SAMD3: variants seen among roughly 807,000 people sequenced by gnomAD.
The protein encoded by SAMD3 is sterile alpha motif domain-containing protein 3.
A neutral mutation model predicts 58.5 loss-of-function variants in SAMD3; 63 were observed. The ratio of observed to expected loss-of-function variants is 1.08; its 90% CI spans 0.88 to 1.33. The LOEUF (loss-of-function observed/expected upper bound fraction) is 1.33, where lower values mean the gene tolerates loss of function less well. SAMD3 is among the 40% of genes most tolerant of loss of function. SAMD3 has a pLI of 0.00. For synonymous variants in SAMD3, 220 were observed against 210.3 expected, an observed-to-expected ratio of 1.05 and a Z score of -0.40; for missense variants, 604 against 608.4, an observed-to-expected ratio of 0.99 and a Z score of 0.08.
At chr6:130,208,741 ATAT>A (rs1488000475) in intron 5 of SAMD3, among the ~76,000 whole-genome samples, 1 of 152,090 alleles carries the variant, frequency 6.6e-6, no homozygotes, top group Non-Finnish European at 1.5e-5. Flanking sequence ...ATTTTATTAT[ATAT>A]TAGAATATAA....
intron 2 of SAMD3, among the ~76,000 whole-genome samples, chr6:130,306,475 C>T (rs1044419498): frequency 1.3e-5 from 2 of 152,172 alleles, no homozygotes; most frequent in Non-Finnish European, 2.9e-5. Context: ...GTTGACTAAG[C>T]AGTTACTCTT....
intron 8 of SAMD3, chr6:130,162,022 A>C (rs1403831808): frequency 2.5e-6 from 1 of 398,676 alleles, no homozygotes; most frequent in African/African-American, 2.1e-5. Context: ...CAAGAAATAC[A>C]CTGAAGGGAA....
intron 2 of SAMD3, among the ~76,000 whole-genome samples, chr6:130,311,618 A>G (rs868798209): frequency 1.1e-4 from 16 of 152,314 alleles, no homozygotes; most frequent in Middle Eastern, 6.8e-3. Context: ...TAGTTGAACA[A>G]GTTTAAGAGG....
At chr6:130,235,686 T>C (rs1458872801) in intron 2 of SAMD3, among the ~76,000 whole-genome samples, 1 of 152,208 alleles carries the variant, frequency 6.6e-6, no homozygotes, top group African/African-American at 2.4e-5. Flanking sequence ...AAGTTAATAA[T>C]AGAGTAATTG....
At chr6:130,230,108 A>G (rs1465402991) in intron 2 of SAMD3, among the ~76,000 whole-genome samples, 3 of 152,250 alleles carry the variant, frequency 2.0e-5, no homozygotes, top group African/African-American at 7.2e-5. Flanking sequence ...TGGTTAAAGA[A>G]AATAACACAG....
Position 130,182,416 on chromosome 6 carries a change from T to C in SAMD3, c.654+1687A>G, listed in dbSNP as rs191841750. Among the ~76,000 whole-genome samples the C allele has an allele frequency of 2.6e-5, 4 of 152,284 alleles. No individual in the cohort carries two copies. In the East Asian group the frequency reaches 7.7e-4, roughly 29 times the overall value. The stretch of plus-strand genomic sequence containing the variant: ...TTTTCCAGACATGGTATACAACATC[T>C]TTCCTCAGTCTGAGTGGTGAAAAAA... On this transcript the variant is annotated intron_variant, in intron 7 of 11. Transcript: ENST00000439090.
intron 2 of SAMD3, among the ~76,000 whole-genome samples, chr6:130,309,263 A>T (rs1307595054): frequency 6.6e-6 from 1 of 152,214 alleles, no homozygotes; most frequent in African/African-American, 2.4e-5. Flanking sequence ...ATAAGAGCAT[A>T]AATGTTAGAT....
At chr6:130,263,336 T>C (rs1005767571) in intron 2 of SAMD3, among the ~76,000 whole-genome samples, 3 of 152,202 alleles carry the variant, frequency 2.0e-5, no homozygotes, top group African/African-American at 7.2e-5. Context: ...CTTTTAGCAC[T>C]TGTACCACCC....
At chr6:130,357,585 AGGGG>A (rs1695849448) in intron 1 of SAMD3, among the ~76,000 whole-genome samples, 4 of 152,202 alleles carry the variant, frequency 2.6e-5, no homozygotes, top group Admixed American at 2.6e-4. Flanking sequence ...ATTTTTGCAT[AGGGG>A]ATAATGAACA....
chr6:130,265,624 A>C (rs556179381), intron 2 of SAMD3, among the ~76,000 whole-genome samples: 49 of 152,282 alleles, frequency 3.2e-4, no homozygotes, highest in African/African-American at 1.2e-3. Context: ...GTTACTCTAT[A>C]CAAGGTATGT....
At chr6:130,330,556 A>G (rs1776899088) in intron 1 of SAMD3, among the ~76,000 whole-genome samples, 1 of 152,204 alleles carries the variant, frequency 6.6e-6, no homozygotes, top group Admixed American at 6.5e-5. Flanking sequence ...GGAGGAAATT[A>G]AATTATGTGA....
intron 8 of SAMD3, among the ~76,000 whole-genome samples, chr6:130,157,146 C>T (rs1329582361): frequency 6.6e-6 from 1 of 151,534 alleles, no homozygotes; most frequent in Non-Finnish European, 1.5e-5. Context: ...CATAATTTTA[C>T]TTGGATTATC....
At chr6:130,144,924 T>C (rs111971636) in intron 11 of SAMD3, 120 bp from the exon 12 acceptor site, 3 of 998,636 alleles carry the variant, frequency 3.0e-6, no homozygotes, top group East Asian at 2.6e-5. Context: ...TTTGTAAATA[T>C]GACAAACATA....
intron 4 of SAMD3, among the ~76,000 whole-genome samples, chr6:130,211,742 A>G (rs1166523700): frequency 6.6e-6 from 1 of 151,952 alleles, no homozygotes; most frequent in East Asian, 1.9e-4. Flanking sequence ...CATTGGGCAC[A>G]TGTCATCAGG....
rs750962717 is a variant in SAMD3, at chr6:130,214,544, A to T, written c.80-18T>A. On this transcript the variant is annotated intron_variant, in intron 3 of 11. Coordinates refer to ENST00000439090, the MANE Select transcript of SAMD3 (RefSeq NM_001017373.4). Reference sequence around the variant, plus strand: ...TTCTTCCTCTGGGAAAAAGAAAAAAAATTAGTTTCTACATGACTTTCCGGC... The same window carrying T: ...TTCTTCCTCTGGGAAAAAGAAAAAATATTAGTTTCTACATGACTTTCCGGC... The T allele has an allele frequency of 2.6e-6, 4 of 1,562,572 alleles. No homozygotes were observed. In the African/African-American group the frequency reaches 5.5e-5, roughly 22 times the overall value.
At chr6:130,302,876 A>G (rs754938142) in intron 2 of SAMD3, among the ~76,000 whole-genome samples, 3 of 152,228 alleles carry the variant, frequency 2.0e-5, no homozygotes, top group Non-Finnish European at 2.9e-5. Context: ...AACAATGGGT[A>G]CATGTGAACA....
At chr6:130,307,637 T>A (rs763810003) in intron 2 of SAMD3, among the ~76,000 whole-genome samples, 1 of 152,218 alleles carries the variant, frequency 6.6e-6, no homozygotes, top group African/African-American at 2.4e-5. Flanking sequence ...ATAACTATGA[T>A]CCTCAGTTCA....
intron 2 of SAMD3, among the ~76,000 whole-genome samples, chr6:130,242,730 A>T (rs1773405697): frequency 6.6e-6 from 1 of 152,228 alleles, no homozygotes; most frequent in Non-Finnish European, 1.5e-5. Flanking sequence ...CTCTGCTCAA[A>T]TCAGGAAGCT....
rs574124652 is a variant in SAMD3, at chr6:130,212,062, T to A, written c.269+2275A>T. On this transcript the variant is annotated intron_variant, in intron 4 of 11. Coordinates refer to ENST00000439090, the MANE Select transcript of SAMD3 (RefSeq NM_001017373.4). ...CTAATATCATAAGAGGGGGTTAAAATCAGATGTCTTGATAGCTAGCTTCAG... is the reference window on the plus strand; with the variant it reads ...CTAATATCATAAGAGGGGGTTAAAAACAGATGTCTTGATAGCTAGCTTCAG... Among the ~76,000 whole-genome samples, 18 of 151,846 alleles carry A rather than the reference T, an allele frequency of 1.2e-4. No individual in the cohort carries two copies. In the South Asian group the frequency reaches 3.5e-3, roughly 30 times the overall value.
Sources: gnomAD v4.1 joint callset for allele counts (sites outside exome capture counted in the v4.1 genomes callset) on GRCh38, gnomAD v4.1.1 for gene constraint, MANE v1.5 for transcripts, NCBI Gene and HGNC (gene_info 2026-07-23, HGNC 2026-07-21) for gene names.